Variants in CSMD1 observed in about 807,000 individuals in gnomAD.
CSMD1 encodes CUB and sushi domain-containing protein 1.
A neutral mutation model predicts 417.5 loss-of-function variants in CSMD1; 213 were observed. The observed-to-expected ratio is 0.51, with a 90% CI of 0.46 to 0.57. CSMD1 has a LOEUF of 0.57. CSMD1 is among the 20% of genes least tolerant of loss of function. The pLI is 0.00. For synonymous variants in CSMD1, 2,862 were observed against 1,736.8 expected (o/e 1.65, Z -16.11); for missense variants, 6,923 against 4,529.7 (o/e 1.53, Z -15.17).
intron 12 of CSMD1, among the ~76,000 whole-genome samples, chr8:3,442,211 A>G (rs1815031161): frequency 6.6e-6 from 1 of 152,084 alleles, no homozygotes; most frequent in Non-Finnish European, 1.5e-5. Context: ...GAAAAGGTTT[A>G]TAAAGTAAAA....
At chr8:3,895,269 C>G (rs551555856) in intron 5 of CSMD1, among the ~76,000 whole-genome samples, 1 of 152,120 alleles carries the variant, frequency 6.6e-6, no homozygotes, top group Non-Finnish European at 1.5e-5. Context: ...AGATGGTCTA[C>G]TGCTTTCTAT....
intron 2 of CSMD1, among the ~76,000 whole-genome samples, chr8:4,486,674 G>C (rs926113956): frequency 1.3e-5 from 2 of 152,016 alleles, no homozygotes; most frequent in African/African-American, 2.4e-5. Context: ...CTGAAGTTTG[G>C]CCACTTTGAA....
intron 18 of CSMD1, 126 bp downstream of exon 18, chr8:3,387,368 C>T (rs1281121346): frequency 4.3e-6 from 3 of 696,278 alleles, no homozygotes; most frequent in Non-Finnish European, 7.1e-6. Context: ...TATACAACTT[C>T]TCAGAGGGAA....
chr8:3,097,608 C>G (rs1365079302), intron 46 of CSMD1, among the ~76,000 whole-genome samples: 1 of 152,162 alleles, frequency 6.6e-6, no homozygotes, highest in Non-Finnish European at 1.5e-5. Flanking sequence ...CTGGGTGAGA[C>G]ATAGCCCGGG....
intron 25 of CSMD1, among the ~76,000 whole-genome samples, chr8:3,299,604 TC>T (rs1323392468): frequency 1.3e-5 from 2 of 152,006 alleles, no homozygotes; most frequent in Non-Finnish European, 2.9e-5. Context: ...TAGGTGTAAT[TC>T]TGCCTCACAA....
At chr8:3,612,669 A>G (rs765036907) in intron 8 of CSMD1, among the ~76,000 whole-genome samples, 34 of 152,176 alleles carry the variant, frequency 2.2e-4, no homozygotes, top group Non-Finnish European at 4.4e-4. Context: ...GAAAACTTTC[A>G]AATAAATCAT....
At chr8:4,248,898 C>CA (rs1802877322) in intron 3 of CSMD1, among the ~76,000 whole-genome samples, 1 of 152,106 alleles carries the variant, frequency 6.6e-6, no homozygotes, top group East Asian at 1.9e-4. Context: ...AAAAAAAATC[C>CA]ATTTAGACCA....
chr8:4,400,221 T>C (rs1015356948), intron 3 of CSMD1, among the ~76,000 whole-genome samples: 2 of 152,234 alleles, frequency 1.3e-5, no homozygotes, highest in Non-Finnish European at 1.5e-5. Flanking sequence ...AGCTTGGAAG[T>C]TGCAAACTTA....
chr8:3,484,996 G>C (rs779611928), intron 11 of CSMD1, among the ~76,000 whole-genome samples: 1 of 152,156 alleles, frequency 6.6e-6, no homozygotes, highest in Non-Finnish European at 1.5e-5. Flanking sequence ...CTGGAAAACA[G>C]CTGAGCAGTT....
intron 20 of CSMD1, among the ~76,000 whole-genome samples, chr8:3,365,859 A>G (rs1276807461): frequency 2.0e-5 from 3 of 152,222 alleles, no homozygotes; most frequent in African/African-American, 7.2e-5. Flanking sequence ...ACAGTGGAAC[A>G]TCATCTTACT....
rs78019263 is a variant in CSMD1 at position 4,921,888 on chromosome 8, A to G, written c.85+72444T>C. On this transcript the variant is annotated intron_variant, in intron 1 of 69. Transcript: ENST00000635120. ...CCAAGAGTGACTGTATTCACTCAGAATTGAACCTTCCATGCAAGAAGCCAC... is the reference window on the plus strand; with the variant it reads ...CCAAGAGTGACTGTATTCACTCAGAGTTGAACCTTCCATGCAAGAAGCCAC... 2.4e-3 allele frequency among the ~76,000 whole-genome samples: 368 copies of G among 152,338 alleles called. 14 individuals are homozygous for G. In the East Asian group the frequency reaches 0.039, roughly 16 times the overall value.
intron 1 of CSMD1, among the ~76,000 whole-genome samples, chr8:4,776,311 T>A (rs1435146531): frequency 6.6e-6 from 1 of 152,222 alleles, no homozygotes; most frequent in Non-Finnish European, 1.5e-5. Flanking sequence ...TACTTGTTGC[T>A]AGTTTTAATA....
chr8:3,823,413 A>C (rs946759427), intron 5 of CSMD1, among the ~76,000 whole-genome samples: 2 of 152,166 alleles, frequency 1.3e-5, no homozygotes, highest in Non-Finnish European at 2.9e-5. Context: ...GCAAGGGATG[A>C]TATTTCTTAT....
chr8:3,175,481 C>CTTCCTTCCTTCTTT (rs1374539615), intron 37 of CSMD1, among the ~76,000 whole-genome samples: 1 of 101,010 alleles, frequency 9.9e-6, no homozygotes, highest in Non-Finnish European at 2.0e-5. Context: ...TTTTCCCTTC[C>CTTCCTTCCTTCTTT]TTCCTGCCTG....
chr8:4,462,787 G>T (rs1385605766), intron 2 of CSMD1, among the ~76,000 whole-genome samples: 1 of 150,054 alleles, frequency 6.7e-6, no homozygotes, highest in Non-Finnish European at 1.5e-5. Flanking sequence ...CCACAAGAGG[G>T]TACCCCTTCC....
At chr8:4,428,573 C>T (rs1797694826) in intron 2 of CSMD1, among the ~76,000 whole-genome samples, 2 of 152,096 alleles carry the variant, frequency 1.3e-5, no homozygotes, top group Non-Finnish European at 2.9e-5. Flanking sequence ...AAACTTGCAA[C>T]TTACCTTATG....
chr8:4,661,373 T>A lies in CSMD1; in HGVS notation c.86-23815A>T, dbSNP rs558689965. ...CATCTTTAGAGAACTAGGCTGAGTATACAAAGCCAATCCTCAAACGTTGTA... is the reference window on the plus strand; with the variant it reads ...CATCTTTAGAGAACTAGGCTGAGTAAACAAAGCCAATCCTCAAACGTTGTA... On this transcript the variant is annotated intron_variant, in intron 1 of 69. Coordinates refer to ENST00000635120, the MANE Select transcript of CSMD1 (RefSeq NM_033225.6). 5.3e-5 allele frequency among the ~76,000 whole-genome samples: 8 copies of A among 152,364 alleles called. No individual in the cohort carries two copies. The South Asian group carries it at 1.0e-3, about 20-fold the overall frequency.
At chr8:3,213,115 C>T (rs188244776) in intron 30 of CSMD1, among the ~76,000 whole-genome samples, 344 of 152,310 alleles carry the variant, frequency 2.3e-3, no homozygotes, top group Non-Finnish European at 3.4e-3. Flanking sequence ...GTGTGAGCCA[C>T]GCGCCCAGTC....
rs76740969 is a variant in CSMD1 at position 3,478,880 on chromosome 8, C to T, written c.1449-10056G>A. 1.5e-4 allele frequency among the ~76,000 whole-genome samples: 23 copies of T among 152,196 alleles called. 1 individual carries two copies. The South Asian group carries it at 2.9e-3, about 19-fold the overall frequency. On this transcript the variant is annotated intron_variant, in intron 11 of 69. Coordinates refer to ENST00000635120, the MANE Select transcript of CSMD1 (RefSeq NM_033225.6). ...AATGATCTCACCTGGGGAGGCCCTT[C>T]GTCCCAGTAGGTGTGAGACTGAGTC...
Sources: gnomAD v4.1 joint callset for allele counts (sites outside exome capture counted in the v4.1 genomes callset) on GRCh38, gnomAD v4.1.1 for gene constraint, MANE v1.5 for transcripts, NCBI Gene and HGNC (gene_info 2026-07-23, HGNC 2026-07-21) for gene names.